Variants in SMAD3 observed in about 807,000 individuals in gnomAD.
SMAD3 encodes the protein MAD homolog 3.
A neutral mutation model predicts 51.8 loss-of-function variants in SMAD3; 12 were observed. That is an observed-to-expected ratio of 0.23 (90% CI 0.15 to 0.38). The LOEUF is 0.38. Among genes scored for constraint, SMAD3 ranks in the 10% least tolerant of loss-of-function variants. The pLI, the probability that SMAD3 is intolerant of heterozygous loss-of-function variation, is 1.00. For synonymous variants in SMAD3, 238 were observed against 227.7 expected, an observed-to-expected ratio of 1.05 and a Z score of -0.41; for missense variants, 294 against 565.6, an observed-to-expected ratio of 0.52 and a Z score of 4.87.
At chr15:67,127,483 G>A (rs1159649898) in intron 1 of SMAD3, among the ~76,000 whole-genome samples, 4 of 152,106 alleles carry the variant, frequency 2.6e-5, no homozygotes, top group African/African-American at 7.2e-5. Context: ...CCCTGCAGAC[G>A]GCCCTCTACC....
chr15:67,087,159 G>T (rs1307554666), intron 1 of SMAD3, among the ~76,000 whole-genome samples: 1 of 152,022 alleles, frequency 6.6e-6, no homozygotes, highest in Non-Finnish European at 1.5e-5. Flanking sequence ...GAGTGCTGGG[G>T]TTACAGGCAT....
At chr15:67,142,925 G>C (rs568324447) in intron 1 of SMAD3, 11 of 419,178 alleles carry the variant, frequency 2.6e-5, no homozygotes, top group African/African-American at 2.3e-4. Context: ...CTCACTCCTG[G>C]GTTGGAACAT....
intron 1 of SMAD3, among the ~76,000 whole-genome samples, chr15:67,153,095 A>G (rs930589045): frequency 4.6e-5 from 7 of 152,164 alleles, no homozygotes; most frequent in African/African-American, 1.7e-4. Flanking sequence ...AAAATTTTTC[A>G]TCTGTAAAAT....
chr15:67,076,185 T>C (rs936802083), intron 1 of SMAD3, among the ~76,000 whole-genome samples: 5 of 152,190 alleles, frequency 3.3e-5, no homozygotes, highest in Non-Finnish European at 7.3e-5. Context: ...CACTTGTTGA[T>C]GTAAGGCTTG....
At chr15:67,083,650 T>G (rs1489522163) in intron 1 of SMAD3, among the ~76,000 whole-genome samples, 1 of 152,214 alleles carries the variant, frequency 6.6e-6, no homozygotes, top group Non-Finnish European at 1.5e-5. Context: ...GCTTTCAATG[T>G]GGGGATATCT....
intron 1 of SMAD3, among the ~76,000 whole-genome samples, chr15:67,113,875 G>T (rs1374732407): frequency 6.6e-6 from 1 of 152,186 alleles, no homozygotes; most frequent in Non-Finnish European, 1.5e-5. Flanking sequence ...TCCCTGTAGT[G>T]CTTAGGACAA....
At chr15:67,166,458 C>A in intron 3 of SMAD3, 1 of 476,834 alleles carries the variant, frequency 2.1e-6, no homozygotes, top group Non-Finnish European at 3.9e-6. Flanking sequence ...CTGGACGCCT[C>A]CCTGGAGGGG....
intron 5 of SMAD3, among the ~76,000 whole-genome samples, chr15:67,177,734 T>G (rs201494904): frequency 0.17 from 9,033 of 52,194 alleles, 411 homozygotes; most frequent in East Asian, 0.47. Flanking sequence ...TGTTTTTTTG[T>G]TTTTTTTTTT....
At chr15:67,168,101 T>C (rs1962640594) in intron 4 of SMAD3, among the ~76,000 whole-genome samples, 1 of 152,190 alleles carries the variant, frequency 6.6e-6, no homozygotes, top group South Asian at 2.1e-4. Context: ...TTACAGGCAA[T>C]GCAGCACCAC....
chr15:67,140,893 G>T (rs1466410202), intron 1 of SMAD3, among the ~76,000 whole-genome samples: 1 of 152,134 alleles, frequency 6.6e-6, no homozygotes, highest in Non-Finnish European at 1.5e-5. Context: ...GGGGGCATTG[G>T]CAAGTCGGCA....
chr15:67,094,501 A>G (rs756288594), intron 1 of SMAD3, among the ~76,000 whole-genome samples: 2 of 152,154 alleles, frequency 1.3e-5, no homozygotes, highest in Non-Finnish European at 2.9e-5. Flanking sequence ...ACCAGGCAGG[A>G]CGGGGTGTGA....
chr15:67,123,188 CAAAAA>C (rs34458678), intron 1 of SMAD3, among the ~76,000 whole-genome samples: 13 of 93,756 alleles, frequency 1.4e-4, no homozygotes, highest in Admixed American at 2.3e-4. Context: ...GACCCTGTCT[CAAAAA>C]AAAAAAAAAA....
At chr15:67,144,876 G>T (rs1451735225) in intron 1 of SMAD3, among the ~76,000 whole-genome samples, 1 of 152,180 alleles carries the variant, frequency 6.6e-6, no homozygotes, top group Admixed American at 6.5e-5. Flanking sequence ...AGCTGCGGTT[G>T]CTGTGGTTCT....
intron 5 of SMAD3, among the ~76,000 whole-genome samples, chr15:67,179,005 C>T (rs532982671): frequency 7.9e-4 from 121 of 152,314 alleles, no homozygotes; most frequent in African/African-American, 2.8e-3. Flanking sequence ...TTCACAGAAT[C>T]GGGCTATTAT....
intron 1 of SMAD3, among the ~76,000 whole-genome samples, chr15:67,162,945 T>A (rs2140290962): frequency 8.0e-6 from 1 of 124,296 alleles, no homozygotes. Context: ...TGTAGGTTTC[T>A]GTGATGATGA....
chr15:67,165,764 C>T (rs960818081), intron 3 of SMAD3, among the ~76,000 whole-genome samples: 1 of 152,224 alleles, frequency 6.6e-6, no homozygotes, highest in African/African-American at 2.4e-5. Context: ...GAGGGCCAGG[C>T]AGCAAGTGCG....
At chr15:67,099,164 A>G in intron 1 of SMAD3, 1 of 631,508 alleles carries the variant, frequency 1.6e-6, no homozygotes, top group African/African-American at 1.8e-5. Flanking sequence ...GTTCACAGTC[A>G]CAGGGCTGGA....
At chr15:67,103,641 G>A (rs1850207170) in intron 1 of SMAD3, among the ~76,000 whole-genome samples, 1 of 152,164 alleles carries the variant, frequency 6.6e-6, no homozygotes, top group African/African-American at 2.4e-5. Flanking sequence ...GTGACTGCTG[G>A]TTGTGGAGCT....
intron 1 of SMAD3, among the ~76,000 whole-genome samples, chr15:67,075,919 A>AG (rs1960157134): frequency 6.6e-6 from 1 of 151,976 alleles, no homozygotes; most frequent in Non-Finnish European, 1.5e-5. Flanking sequence ...TGTCTCAAAA[A>AG]AAAAAAAAAT....
Sources: gnomAD v4.1 joint callset for allele counts (sites outside exome capture counted in the v4.1 genomes callset) on GRCh38, gnomAD v4.1.1 for gene constraint, MANE v1.5 for transcripts, NCBI Gene and HGNC (gene_info 2026-07-23, HGNC 2026-07-21) for gene names.